ARHGAP10: variants seen among roughly 807,000 people sequenced by gnomAD.
ARHGAP10 encodes rho GTPase-activating protein 10.
Under a neutral mutation model 108.6 loss-of-function variants are expected in ARHGAP10, and 87 were observed. That is an observed-to-expected ratio of 0.80 (90% confidence interval 0.67 to 0.96). The LOEUF (loss-of-function observed/expected upper bound fraction) is 0.96, where lower values mean the gene tolerates loss of function less well. Among genes scored for constraint, ARHGAP10 ranks in the 40% least tolerant of loss-of-function variants. ARHGAP10 has a pLI of 0.00. For missense variants in ARHGAP10, 939 were observed against 954.5 expected (o/e 0.98, Z 0.21); for synonymous variants, 347 against 341.1 (o/e 1.02, Z -0.19).
chr4:147,833,999 G>C (rs371763729), intron 3 of ARHGAP10, among the ~76,000 whole-genome samples: 18 of 152,310 alleles, frequency 1.2e-4, no homozygotes, highest in African/African-American at 4.3e-4. Flanking sequence ...CCCACGTTCT[G>C]CCTATCTTTG....
Position 148,038,640 on chromosome 4 carries a change from A to C in ARHGAP10, c.1868-8252A>C, listed in dbSNP as rs188388223. ...GACACATCATTTGGGCAGAGAAGCC[A>C]CTGAAATACTCAAAGCAAGAGATTA... On this transcript the variant is annotated intron_variant, in intron 19 of 22. Transcript: ENST00000336498. Among the ~76,000 whole-genome samples the C allele has an allele frequency of 1.8e-3, 267 of 152,310 alleles. 1 individual carries two copies. The highest frequency in any genetic ancestry group is 5.9e-3 in the African/African-American group (247 of 41,558).
intron 1 of ARHGAP10, among the ~76,000 whole-genome samples, chr4:147,802,347 A>T (rs1465442852): frequency 1.3e-5 from 2 of 152,232 alleles, no homozygotes; most frequent in Non-Finnish European, 1.5e-5. Context: ...GCTTCTTAAA[A>T]AAGTGATAGT....
intron 15 of ARHGAP10, among the ~76,000 whole-genome samples, chr4:147,947,915 T>G (rs1346153975): frequency 6.6e-6 from 1 of 151,710 alleles, no homozygotes; most frequent in Non-Finnish European, 1.5e-5. Flanking sequence ...CCATCCTTCT[T>G]AATTCATTAA....
At chr4:147,739,943 C>G (rs778913970) in intron 1 of ARHGAP10, among the ~76,000 whole-genome samples, 3 of 152,004 alleles carry the variant, frequency 2.0e-5, no homozygotes, top group Non-Finnish European at 4.4e-5. Flanking sequence ...ACCACATTGG[C>G]CAGGCTGGTC....
chr4:148,032,923 C>T (rs1728218151), intron 19 of ARHGAP10, among the ~76,000 whole-genome samples: 1 of 152,188 alleles, frequency 6.6e-6, no homozygotes, highest in African/African-American at 2.4e-5. Context: ...CCACCTTCTT[C>T]TGCCTGCTTT....
intron 8 of ARHGAP10, among the ~76,000 whole-genome samples, chr4:147,876,727 G>C (rs1463950623): frequency 6.6e-6 from 1 of 152,214 alleles, no homozygotes; most frequent in Non-Finnish European, 1.5e-5. Flanking sequence ...TTGCCTTTGA[G>C]AGAAATTGGA....
At chr4:147,997,238 G>C (rs551387866) in intron 18 of ARHGAP10, among the ~76,000 whole-genome samples, 1 of 152,188 alleles carries the variant, frequency 6.6e-6, no homozygotes, top group African/African-American at 2.4e-5. Context: ...ATCTACAAAC[G>C]TATTGCAGCA....
At chr4:147,893,542 ATCACATGTATT>A (rs1204588249) in intron 10 of ARHGAP10, among the ~76,000 whole-genome samples, 1 of 147,868 alleles carries the variant, frequency 6.8e-6, no homozygotes, top group Non-Finnish European at 1.5e-5. Context: ...GTAAATATAT[ATCACATGTATT>A]TCACATATTT....
At chr4:147,887,742 G>A (rs1735629417) in intron 10 of ARHGAP10, among the ~76,000 whole-genome samples, 1 of 151,820 alleles carries the variant, frequency 6.6e-6, no homozygotes, top group South Asian at 2.1e-4. Context: ...GGCGCTTGTA[G>A]TCCCAGCTAC....
At chr4:147,805,614 A>G (rs1434347615) in intron 1 of ARHGAP10, among the ~76,000 whole-genome samples, 1 of 152,122 alleles carries the variant, frequency 6.6e-6, no homozygotes, top group African/African-American at 2.4e-5. Context: ...TTCATTTTTT[A>G]AAAAACTAGT....
chr4:147,969,570 A>G (rs1196627778), intron 18 of ARHGAP10, among the ~76,000 whole-genome samples: 1 of 152,132 alleles, frequency 6.6e-6, no homozygotes, highest in Non-Finnish European at 1.5e-5. Flanking sequence ...ATTTGTGAAA[A>G]TACTGGCTCT....
At chr4:147,867,729 T>C (rs907987793) in intron 7 of ARHGAP10, among the ~76,000 whole-genome samples, 1 of 151,866 alleles carries the variant, frequency 6.6e-6, no homozygotes, top group Non-Finnish European at 1.5e-5. Flanking sequence ...CTGGGTGTGG[T>C]GGAGTGCGCC....
intron 22 of ARHGAP10, among the ~76,000 whole-genome samples, chr4:148,067,168 C>G (rs944317756): frequency 2.6e-5 from 4 of 152,212 alleles, no homozygotes; most frequent in African/African-American, 9.6e-5. Context: ...CGCCCTGATT[C>G]TTTTGCAGCA....
chr4:147,990,387 G>A (rs1039951704), intron 18 of ARHGAP10, among the ~76,000 whole-genome samples: 1 of 152,182 alleles, frequency 6.6e-6, no homozygotes, highest in East Asian at 1.9e-4. Flanking sequence ...CTTAGCTCAG[G>A]CACACTGGGG....
intron 1 of ARHGAP10, among the ~76,000 whole-genome samples, chr4:147,807,407 A>G (rs1322859254): frequency 6.6e-6 from 1 of 152,200 alleles, no homozygotes; most frequent in Non-Finnish European, 1.5e-5. Flanking sequence ...ATACAAGAAG[A>G]AAAAGGAACA....
chr4:147,904,790 C>T (rs1194550601), intron 10 of ARHGAP10, among the ~76,000 whole-genome samples: 5 of 152,176 alleles, frequency 3.3e-5, no homozygotes, highest in Non-Finnish European at 7.3e-5. Context: ...AGTTCTAGAT[C>T]CCTGAGGAAT....
intron 1 of ARHGAP10, among the ~76,000 whole-genome samples, chr4:147,766,686 C>T (rs1453664386): frequency 4.2e-5 from 6 of 144,064 alleles, no homozygotes; most frequent in South Asian, 2.2e-4. Context: ...CCAGCCTGGG[C>T]GATAGAGCAA....
chr4:147,784,397 TATATA>T lies in ARHGAP10; in HGVS notation c.155-38323_155-38319del, dbSNP rs539003139. Among the ~76,000 whole-genome samples the T allele has an allele frequency of 4.0e-3, 504 of 126,880 alleles. 5 individuals carry two copies. The highest frequency in any genetic ancestry group is 0.013 in the African/African-American group (470 of 34,982). 83.2% of individuals were successfully genotyped at this position (126,880 alleles called of 152,430 possible). ...ATTAAATTATATATAATTTATAAAT[TATATA>T]ATATAAAGTTATATATAATTTTTAA... On this transcript the variant is annotated intron_variant, in intron 1 of 22. Coordinates refer to ENST00000336498, the MANE Select transcript of ARHGAP10 (RefSeq NM_024605.4).
chr4:147,843,849 G>A (rs1222403116), intron 3 of ARHGAP10, among the ~76,000 whole-genome samples: 1 of 152,194 alleles, frequency 6.6e-6, no homozygotes, highest in Non-Finnish European at 1.5e-5. Context: ...CACCTTGGTA[G>A]CTTTCTCCAG....
Sources: gnomAD v4.1 joint callset for allele counts (sites outside exome capture counted in the v4.1 genomes callset) on GRCh38, gnomAD v4.1.1 for gene constraint, MANE v1.5 for transcripts, NCBI Gene and HGNC (gene_info 2026-07-23, HGNC 2026-07-21) for gene names.